Variants in PHACTR4 observed in about 807,000 individuals in gnomAD.
PHACTR4 encodes the protein phosphatase and actin regulator 4.
Under a neutral mutation model 72.7 loss-of-function variants are expected in PHACTR4, and 51 were observed. The observed-to-expected ratio is 0.70, with a 90% CI of 0.56 to 0.89. The LOEUF is 0.89. Ranked by LOEUF, PHACTR4 falls within the 40% of genes least tolerant of loss-of-function variation. PHACTR4 has a pLI of 0.00. For missense variants in PHACTR4, 731 were observed against 861.8 expected (o/e 0.85, Z 1.90); for synonymous variants, 255 against 302.5 (o/e 0.84, Z 1.63).
intron 2 of PHACTR4, among the ~76,000 whole-genome samples, chr1:28,409,889 C>A (rs1021196808): frequency 2.0e-5 from 3 of 150,644 alleles, no homozygotes; most frequent in African/African-American, 7.3e-5. Flanking sequence ...TCAATTAGAT[C>A]CATCATCAAT....
intron 1 of PHACTR4, among the ~76,000 whole-genome samples, chr1:28,396,991 C>CGTGATA: frequency 6.6e-6 from 1 of 151,934 alleles, no homozygotes; most frequent in Middle Eastern, 3.4e-3. Flanking sequence ...CCGTGCCTGG[C>CGTGATA]CGTGATATGC....
chr1:28,408,861 G>T (rs1458596408), intron 2 of PHACTR4, among the ~76,000 whole-genome samples: 13 of 142,488 alleles, frequency 9.1e-5, no homozygotes, highest in Admixed American at 9.0e-4. Flanking sequence ...TTTTTTTTTG[G>T]TAGAGATAGG....
At position 28,487,717 on chromosome 1, in the gene PHACTR4, GTTTTTTGTTGTTTTTTTTTTTTTT is replaced by G. The variant is rs1279807554; in HGVS notation, c.1761-1446_1761-1423del. 2.7e-4 allele frequency among the ~76,000 whole-genome samples: 28 copies of G among 102,460 alleles called. 2 individuals carry two copies. Among genetic ancestry groups the G allele is most frequent in the African/African-American group, 1.1e-3 (27 of 24,660 alleles). 67.2% of individuals were successfully genotyped at this position (102,460 alleles called of 152,430 possible). A position where few individuals can be genotyped will look rare whatever the true frequency, so the allele number is the denominator to read the frequency against. On this transcript the variant is annotated intron_variant, in intron 9 of 13. Coordinates refer to ENST00000373839, the MANE Select transcript of PHACTR4 (RefSeq NM_001048183.3). ...CTGATTTCAAAAATGACAAATTGTA[GTTTTTTGTTGTTTTTTTTTTTTTT>G]TTTTTTTTTTTTGAGATGGAATCTC...
At chr1:28,391,715 C>T (rs1020164475) in intron 1 of PHACTR4, among the ~76,000 whole-genome samples, 17 of 149,560 alleles carry the variant, frequency 1.1e-4, no homozygotes, top group Admixed American at 4.1e-4. Flanking sequence ...AAGCGATTCT[C>T]CTGCCTCAGC....
At chr1:28,378,519 GT>G (rs912921520) in intron 1 of PHACTR4, among the ~76,000 whole-genome samples, 144 of 141,708 alleles carry the variant, frequency 1.0e-3, no homozygotes, top group African/African-American at 3.2e-3. Flanking sequence ...AAAGAAAAAA[GT>G]TTTTTTTTTA....
Position 28,476,772 on chromosome 1 carries a change from C to CTTTTTTTTTTTTTTTTTTTT in PHACTR4, c.1606+496_1606+497insTTTTTTTTTTTTTTTTTTTT, listed in dbSNP as rs35369238. 6.9e-3 allele frequency among the ~76,000 whole-genome samples: 681 copies of CTTTTTTTTTTTTTTTTTTTT among 98,182 alleles called. 92 individuals carry two copies. The highest frequency in any genetic ancestry group is 8.8e-3 in the Non-Finnish European group (445 of 50,780). The allele number at this position is 98,182 out of a possible 152,430, so 64.4% of individuals were successfully genotyped here. A position where few individuals can be genotyped will look rare whatever the true frequency, so the allele number is the denominator to read the frequency against. ...GTCTCGTTAGGTTGCCTAGCCTGTT[C>CTTTTTTTTTTTTTTTTTTTT]TTTTTTTTTTTTTTTGAGACGGAGT... On this transcript the variant is annotated intron_variant, in intron 8 of 13. Coordinates refer to ENST00000373839, the MANE Select transcript of PHACTR4 (RefSeq NM_001048183.3).
intron 2 of PHACTR4, among the ~76,000 whole-genome samples, chr1:28,452,682 G>A (rs1242102974): frequency 6.6e-6 from 1 of 151,818 alleles, no homozygotes; most frequent in Non-Finnish European, 1.5e-5. Flanking sequence ...TATAGTCCCA[G>A]CTACTCAGGA....
chr1:28,430,127 A>C (rs1656150236), intron 2 of PHACTR4, among the ~76,000 whole-genome samples: 1 of 151,666 alleles, frequency 6.6e-6, no homozygotes, highest in South Asian at 2.1e-4. Context: ...GGTTCACGCC[A>C]TTCTCCTGCC....
chr1:28,443,229 C>A (rs1317913625), intron 2 of PHACTR4, among the ~76,000 whole-genome samples: 1 of 147,954 alleles, frequency 6.8e-6, no homozygotes, highest in Non-Finnish European at 1.5e-5. Context: ...GTCCTTAGTT[C>A]CATCCATGTT....
At chr1:28,459,395 CTTTT>C (rs367934288) in intron 3 of PHACTR4, 137 bp downstream of exon 3, 4,776 of 278,502 alleles carry the variant, frequency 0.017, no homozygotes, top group Middle Eastern at 0.024. Context: ...TTTCCTTCTT[CTTTT>C]TTTTTTTTTT....
intron 2 of PHACTR4, among the ~76,000 whole-genome samples, chr1:28,441,582 T>C (rs966057945): frequency 6.6e-6 from 1 of 152,212 alleles, no homozygotes; most frequent in Non-Finnish European, 1.5e-5. Flanking sequence ...AGTATTTGAA[T>C]GTACATTAGG....
At chr1:28,464,090 C>T (rs1043135205) in intron 4 of PHACTR4, among the ~76,000 whole-genome samples, 2 of 150,312 alleles carry the variant, frequency 1.3e-5, no homozygotes, top group African/African-American at 2.5e-5. Flanking sequence ...CTCAGCCTCC[C>T]GAGTAGCTGG....
intron 1 of PHACTR4, among the ~76,000 whole-genome samples, chr1:28,371,943 G>T (rs1189865071): frequency 6.6e-6 from 1 of 151,434 alleles, no homozygotes; most frequent in Non-Finnish European, 1.5e-5. Context: ...GTGCAGTGGC[G>T]TGATCTTGGC....
intron 2 of PHACTR4, among the ~76,000 whole-genome samples, chr1:28,421,236 C>G (rs141022832): frequency 6.6e-6 from 1 of 152,208 alleles, no homozygotes; most frequent in Non-Finnish European, 1.5e-5. Flanking sequence ...TCAATGAAAC[C>G]AGAGCACATG....
intron 2 of PHACTR4, among the ~76,000 whole-genome samples, chr1:28,410,939 T>C (rs978183632): frequency 6.6e-5 from 10 of 151,932 alleles, no homozygotes; most frequent in African/African-American, 2.4e-4. Flanking sequence ...ACTCCTGACC[T>C]CAGGTGATCC....
chr1:28,384,088 T>G (rs1557777031), intron 1 of PHACTR4, among the ~76,000 whole-genome samples: 1 of 152,216 alleles, frequency 6.6e-6, no homozygotes, highest in Non-Finnish European at 1.5e-5. Flanking sequence ...GATTTTTGCA[T>G]TGATATTCAT....
rs1446376344 is a variant in PHACTR4 at position 28,484,502 on chromosome 1, A to ATATATATGTGTGTATGTG, written c.1760+3924_1760+3941dup. 8.6e-5 allele frequency among the ~76,000 whole-genome samples: 13 copies of ATATATATGTGTGTATGTG among 150,922 alleles called. No homozygotes were observed. In the East Asian group the frequency reaches 2.5e-3, roughly 29 times the overall value. On this transcript the variant is annotated intron_variant, in intron 9 of 13. Transcript: ENST00000373839. The stretch of plus-strand genomic sequence containing the variant: ...TGTGTATATATATGTGTGTATGTGT[A>ATATATATGTGTGTATGTG]TATATATGTGTGTATGTGTATATAT...
chr1:28,434,743 G>A (rs1463338866), intron 2 of PHACTR4, among the ~76,000 whole-genome samples: 2 of 152,052 alleles, frequency 1.3e-5, no homozygotes, highest in African/African-American at 4.8e-5. Context: ...TATTGCCCAG[G>A]CTGGTCTCAA....
intron 2 of PHACTR4, among the ~76,000 whole-genome samples, chr1:28,442,297 C>T (rs1361440828): frequency 6.6e-6 from 1 of 151,752 alleles, no homozygotes; most frequent in Non-Finnish European, 1.5e-5. Flanking sequence ...AACCCTGTCT[C>T]TACTAAAAAT....
Sources: allele counts gnomAD v4.1 joint callset (sites outside exome capture counted in the v4.1 genomes callset), GRCh38; gene constraint gnomAD v4.1.1; transcripts MANE v1.5; gene names NCBI Gene and HGNC (gene_info 2026-07-23, HGNC 2026-07-21).